The following PARVB variants were observed in gnomAD, a reference collection of about 807,000 sequenced individuals.
PARVB encodes beta-parvin.
A neutral mutation model predicts 47.0 loss-of-function variants in PARVB; 46 were observed. The ratio of observed to expected loss-of-function variants is 0.98; its 90% CI spans 0.77 to 1.25. The LOEUF is 1.25. Ranked by LOEUF, PARVB falls within the 50% of genes most tolerant of loss-of-function variation. The pLI is 0.00. For synonymous variants in PARVB, 196 were observed against 196.3 expected (o/e 1.00, Z 0.01); for missense variants, 473 against 471.6 (o/e 1.00, Z -0.03).
chr22:44,072,622 A>G (rs1238499808), intron 1 of PARVB, among the ~76,000 whole-genome samples: 3 of 151,972 alleles, frequency 2.0e-5, no homozygotes, highest in Non-Finnish European at 4.4e-5. Context: ...TGTATTTTTA[A>G]TGGAGACGGG....
At chr22:44,022,250 A>T (rs1472429559), upstream of PARVB, among the ~76,000 whole-genome samples, 2 of 152,036 alleles carry the variant, frequency 1.3e-5, no homozygotes, top group Non-Finnish European at 2.9e-5. Flanking sequence ...TGGCAGCCCC[A>T]AGACACCCCA....
At chr22:44,085,019 A>C (rs1444455294) in intron 1 of PARVB, among the ~76,000 whole-genome samples, 3 of 152,238 alleles carry the variant, frequency 2.0e-5, no homozygotes, top group African/African-American at 4.8e-5. Context: ...GCCTTGCATC[A>C]GTAATGCTGC....
chr22:44,130,742 T>A (rs1396876697), intron 4 of PARVB, among the ~76,000 whole-genome samples: 1 of 152,210 alleles, frequency 6.6e-6, no homozygotes, highest in Non-Finnish European at 1.5e-5. Context: ...ACTCCCACTT[T>A]CATTCTTCCC....
chr22:44,006,791 A>C (rs1358174158), intron 2 of PARVB, among the ~76,000 whole-genome samples: 2 of 152,162 alleles, frequency 1.3e-5, no homozygotes, highest in Non-Finnish European at 2.9e-5. Context: ...TCTCATAGGT[A>C]ACTCAGCTCC....
intron 1 of PARVB, 74 bp from the exon 2 acceptor site, chr22:44,093,854 C>T (rs979089282): frequency 2.0e-5 from 17 of 834,142 alleles, no homozygotes; most frequent in Middle Eastern, 2.3e-4. Flanking sequence ...TTTCTCTCTG[C>T]GTCCACAGCC....
chr22:44,031,748 G>A (rs115396534), intron 1 of PARVB, among the ~76,000 whole-genome samples: 2,183 of 152,104 alleles, frequency 0.014, 59 homozygotes, highest in African/African-American at 0.051. Context: ...CTGTCCAGTC[G>A]TCAGAATAAT....
rs199990350 is a variant in PARVB, at chr22:44,066,780, TCTCCTCCTCCTC to T, written c.113-27117_113-27106del. On this transcript the variant is annotated intron_variant, in intron 1 of 12. Transcript: ENST00000338758. The stretch of plus-strand genomic sequence containing the variant: ...TGATGACATCAGTCCCTTAATTATT[TCTCCTCCTCCTC>T]CTCCTCCTCCTCCTCCTCCTCCTCC... 8.7e-4 allele frequency among the ~76,000 whole-genome samples: 42 copies of T among 48,118 alleles called. 3 individuals are homozygous for T. Among genetic ancestry groups the T allele is most frequent in the East Asian group, 3.4e-3 (4 of 1,168 alleles). The allele number at this position is 48,118 out of a possible 152,430, so 31.6% of individuals were successfully genotyped here.
chr22:44,004,269 G>A (rs13055235), intron 2 of PARVB, among the ~76,000 whole-genome samples: 4,679 of 152,322 alleles, frequency 0.031, 87 homozygotes, highest in Middle Eastern at 0.048. Flanking sequence ...GCTCCAGGTC[G>A]CGCGCGAAGT....
In PARVB at chr22:44,136,529, C is replaced by A. The variant is rs1383217748; in HGVS notation, c.692+11C>A. On this transcript the variant is annotated intron_variant, in intron 7 of 12. Coordinates refer to ENST00000338758, the MANE Select transcript of PARVB (RefSeq NM_013327.5). ...GACCACAACTACAGAGTAAGTGGAC[C>A]CCTGTCTTGCCCTTCCAGGCCCTGC... 5.0e-6 allele frequency: 8 copies of A among 1,611,442 alleles called. No individual in the cohort carries two copies. The highest frequency in any genetic ancestry group is 5.9e-6 in the Non-Finnish European group (7 of 1,177,738).
chr22:44,053,074 G>T (rs987037251), intron 1 of PARVB, among the ~76,000 whole-genome samples: 9 of 149,894 alleles, frequency 6.0e-5, no homozygotes, highest in African/African-American at 2.2e-4. Flanking sequence ...TTTGTATGAT[G>T]TTACACATCT....
intron 1 of PARVB, among the ~76,000 whole-genome samples, chr22:44,036,728 G>A (rs913416243): frequency 2.6e-5 from 4 of 152,156 alleles, no homozygotes; most frequent in African/African-American, 9.7e-5. Flanking sequence ...ATTTCTCTGC[G>A]AGGCTGAGAT....
chr22:44,021,344 G>A (rs1316297025), upstream of PARVB, among the ~76,000 whole-genome samples: 1 of 152,174 alleles, frequency 6.6e-6, no homozygotes, highest in African/African-American at 2.4e-5. Flanking sequence ...GAAAGGTGGG[G>A]GAAGATTCAA....
chr22:44,169,050 T>C lies in PARVB; in HGVS notation c.*372T>C, dbSNP rs2054237038. Reference sequence around the variant, plus strand: ...CCCAGCTGGTTGAGAGCACCCTGCATTCTGCCTCATGGTGCAGTTAGCGAT... The same window carrying C: ...CCCAGCTGGTTGAGAGCACCCTGCACTCTGCCTCATGGTGCAGTTAGCGAT... On this transcript the variant is annotated 3_prime_UTR_variant, in exon 13 of 13. Transcript: ENST00000338758. The C allele has an allele frequency of 9.7e-6, 2 of 205,612 alleles. No homozygotes were observed. Among genetic ancestry groups the C allele is most frequent in the Non-Finnish European group, 2.0e-5 (2 of 99,348 alleles). The allele number at this position is 205,612 out of a possible 1,614,324, so 12.7% of individuals were successfully genotyped here.
intron 12 of PARVB, 118 bp from the exon 13 acceptor site, chr22:44,168,484 G>A: frequency 1.4e-6 from 1 of 721,958 alleles, no homozygotes; most frequent in South Asian, 1.6e-5. Context: ...TCTTTAAGGG[G>A]AAGCGCTGTG....
chr22:44,090,807 C>G (rs116737861), intron 1 of PARVB, among the ~76,000 whole-genome samples: 1,697 of 152,352 alleles, frequency 0.011, 39 homozygotes, highest in African/African-American at 0.039. Context: ...TTGTGTCCTC[C>G]TATGATGCCA....
chr22:44,111,432 C>CTTTTTTTTTTTTT (rs10527330), intron 3 of PARVB: 1 of 59,234 alleles, frequency 1.7e-5, no homozygotes, highest in Non-Finnish European at 2.9e-5. Flanking sequence ...CCTGCAAAAC[C>CTTTTTTTTTTTTT]TTTTTTTTTT....
At chr22:44,043,507 A>C (rs2051058133) in intron 1 of PARVB, among the ~76,000 whole-genome samples, 1 of 152,084 alleles carries the variant, frequency 6.6e-6, no homozygotes, top group Non-Finnish European at 1.5e-5. Flanking sequence ...CCACCCGAGT[A>C]GCTGGGACTA....
At chr22:44,168,486 A>C in intron 12 of PARVB, 116 bp from the exon 13 acceptor site, 91 of 695,074 alleles carry the variant, frequency 1.3e-4, no homozygotes, top group East Asian at 1.9e-4. Flanking sequence ...TTTAAGGGGA[A>C]GCGCTGTGTG....
intron 6 of PARVB, 57 bp from the exon 7 acceptor site, chr22:44,136,403 G>A: frequency 6.8e-7 from 1 of 1,479,044 alleles, no homozygotes; most frequent in Non-Finnish European, 9.5e-7. Flanking sequence ...CCCTGTCAGT[G>A]CATCTTTCCT....
Sources: gnomAD v4.1 joint callset for allele counts (sites outside exome capture counted in the v4.1 genomes callset) on GRCh38, gnomAD v4.1.1 for gene constraint, MANE v1.5 for transcripts, NCBI Gene and HGNC (gene_info 2026-07-23, HGNC 2026-07-21) for gene names.